Variants in DLGAP3 observed in about 807,000 individuals in gnomAD.
DLGAP3 encodes the protein disks large-associated protein 3.
In DLGAP3, 17 loss-of-function variants were observed where a neutral mutation model predicts 81.2. That is an observed-to-expected ratio of 0.21 (90% confidence interval 0.14 to 0.31). The LOEUF (loss-of-function observed/expected upper bound fraction) is 0.31, where lower values mean the gene tolerates loss of function less well. Ranked by LOEUF, DLGAP3 falls within the 10% of genes least tolerant of loss-of-function variation. DLGAP3 has a pLI of 1.00. For synonymous variants in DLGAP3, 577 were observed against 587.4 expected, an observed-to-expected ratio of 0.98 and a Z score of 0.26; for missense variants, 1,124 against 1,388.0, an observed-to-expected ratio of 0.81 and a Z score of 3.02.
chr1:34,876,160 G>T (rs531106104), intron 8 of DLGAP3, among the ~76,000 whole-genome samples: 5 of 152,288 alleles, frequency 3.3e-5, no homozygotes, highest in East Asian at 3.9e-4. Context: ...TGGCGGGGGG[G>T]TGGGGGTGTG....
intron 1 of DLGAP3, among the ~76,000 whole-genome samples, chr1:34,909,582 C>A (rs1639610117): frequency 6.6e-6 from 1 of 152,142 alleles, no homozygotes; most frequent in Non-Finnish European, 1.5e-5. Flanking sequence ...CCCCAGTGTC[C>A]AAATAGTAAA....
chr1:34,882,799 TC>T (rs2148400217), intron 8 of DLGAP3, among the ~76,000 whole-genome samples: 1 of 152,310 alleles, frequency 6.6e-6, no homozygotes, highest in South Asian at 2.1e-4. Context: ...CCTTATCATG[TC>T]CATGCTCTGC....
At chr1:34,905,573 G>A (rs1443419314) in intron 2 of DLGAP3, 139 bp from the exon 3 acceptor site, 1 of 651,084 alleles carries the variant, frequency 1.5e-6, no homozygotes, top group Non-Finnish European at 2.5e-6. Context: ...CCCACAAATG[G>A]ACTAAAAAGT....
At chr1:34,925,174 C>A (rs1639850231) in intron 1 of DLGAP3, among the ~76,000 whole-genome samples, 1 of 141,684 alleles carries the variant, frequency 7.1e-6, no homozygotes, top group Admixed American at 6.7e-5. Flanking sequence ...CCACCGGGGG[C>A]ACCTGACAAC....
chr1:34,910,642 C>T (rs966852835), intron 1 of DLGAP3, among the ~76,000 whole-genome samples: 6 of 152,194 alleles, frequency 3.9e-5, no homozygotes, highest in African/African-American at 1.4e-4. Flanking sequence ...TCCTACCCAC[C>T]TCTGCCTTGC....
intron 5 of DLGAP3, among the ~76,000 whole-genome samples, chr1:34,894,122 A>C (rs1382093909): frequency 2.6e-5 from 4 of 152,226 alleles, no homozygotes; most frequent in African/African-American, 9.6e-5. Context: ...TGGGAGGTCA[A>C]GGCTGCAGTG....
chr1:34,871,897 G>A (rs1033064529), intron 8 of DLGAP3, among the ~76,000 whole-genome samples: 1 of 152,172 alleles, frequency 6.6e-6, no homozygotes, highest in African/African-American at 2.4e-5. Flanking sequence ...CCTCAAAGGA[G>A]ACCAAGGAAG....
Position 34,902,896 on chromosome 1 carries a change from A to G in DLGAP3, c.1107+1381T>C, listed in dbSNP as rs1362226828. Among the ~76,000 whole-genome samples the G allele has an allele frequency of 6.6e-6, 1 of 152,028 alleles. No homozygotes were observed. The highest frequency in any genetic ancestry group is 6.5e-5 in the Admixed American group (1 of 15,272). On this transcript the variant is annotated intron_variant, in intron 3 of 11. Coordinates refer to ENST00000373347, the MANE Select transcript of DLGAP3 (RefSeq NM_001080418.3). The surrounding 1 kb of genome is among the most constrained non-coding windows in gnomAD (Gnocchi z 4.4). ...TGGCAAGGAATCGGCTATGGGGGAG[A>G]AAGGATGGGTGCTGCCTCCCTGCAC...
chr1:34,899,564 T>C (rs1042040819), intron 5 of DLGAP3, 105 bp downstream of exon 5: 1 of 1,041,386 alleles, frequency 9.6e-7, no homozygotes, highest in Admixed American at 1.7e-5. Flanking sequence ...GAGCCAGGCC[T>C]GAGCTCTCTC....
chr1:34,875,785 T>C (rs181190659), intron 8 of DLGAP3, among the ~76,000 whole-genome samples: 3 of 152,370 alleles, frequency 2.0e-5, no homozygotes, highest in Admixed American at 2.0e-4. Context: ...GTATGTTCTC[T>C]CTCACCACAA....
At chr1:34,881,959 A>G (rs1639152398) in intron 8 of DLGAP3, among the ~76,000 whole-genome samples, 1 of 152,246 alleles carries the variant, frequency 6.6e-6, no homozygotes. Flanking sequence ...CATAGCCACT[A>G]AAGTCAATAC....
chr1:34,879,014 G>A (rs1014599948), intron 8 of DLGAP3, among the ~76,000 whole-genome samples: 1 of 151,188 alleles, frequency 6.6e-6, no homozygotes, highest in South Asian at 2.1e-4. Flanking sequence ...GGAGCTTGCA[G>A]TGAGCCGAGA....
chr1:34,895,262 G>A lies in DLGAP3; in HGVS notation c.1386+4407C>T, dbSNP rs968392164. Among the ~76,000 whole-genome samples, 3 of 151,776 alleles carry A rather than the reference G, an allele frequency of 2.0e-5. No individual in the cohort carries two copies. Among genetic ancestry groups the A allele is most frequent in the Non-Finnish European group, 2.9e-5 (2 of 67,960 alleles). On this transcript the variant is annotated intron_variant, in intron 5 of 11. Transcript: ENST00000373347. The surrounding 1 kb of genome is among the most constrained non-coding windows in gnomAD (Gnocchi z 4.5). ...GGGCGCCTGTAGTCTCAGCTACTCC[G>A]GAGACTGAGGCAGAAGAATGGCGTG...
chr1:34,906,016 TTATA>T (rs150603784), intron 2 of DLGAP3, among the ~76,000 whole-genome samples: 8 of 64,808 alleles, frequency 1.2e-4, no homozygotes, highest in East Asian at 2.3e-3. Context: ...GCCTCTAAAT[TTATA>T]TATATATATA....
Position 34,906,016 on chromosome 1 carries a change from T to TTTTTTATATATATATATATATATA in DLGAP3, c.-51-583_-51-582insTATATATATATATATATATAAAAA, listed in dbSNP as rs60469155. 3.8e-3 allele frequency among the ~76,000 whole-genome samples: 246 copies of TTTTTTATATATATATATATATATA among 64,790 alleles called. 9 individuals are homozygous for TTTTTTATATATATATATATATATA. The highest frequency in any genetic ancestry group is 0.011 in the African/African-American group (232 of 21,606). 42.5% of individuals were successfully genotyped at this position (64,790 alleles called of 152,430 possible). ...ACAGAGCGAGACCTGGCCTCTAAAT[T>TTTTTTATATATATATATATATATA]TATATATATATATATATTTGTTTGT... is the stretch of plus-strand genomic sequence containing the variant. On this transcript the variant is annotated intron_variant, in intron 2 of 11. Coordinates refer to ENST00000373347, the MANE Select transcript of DLGAP3 (RefSeq NM_001080418.3).
rs762679901 is a variant in DLGAP3 at position 34,904,675 on chromosome 1, G to C, written c.709C>G (p.Arg237Gly). ...HHHHHHHHQS[R>G]HGKRSKSKDR... ...TTGCTCTTGCTCCTCTTGCCGTGCC[G>C]GGACTGGTGGTGGTGGTGATGGTGG... The change falls in exon 3 of 12, where the codon CGG (arginine) becomes GGG (glycine). Residue 237 changes from arginine to glycine, a missense_variant. Physicochemically the swap from Arg to Gly is moderately radical, Grantham distance 125. Around this residue, in one of 9 missense-constraint regions of DLGAP3, gnomAD observed 357 missense variants for 408.8 expected, o/e 0.87. Transcript: ENST00000373347. The surrounding 1 kb of genome is among the most constrained non-coding windows in gnomAD (Gnocchi z 8.1). 7 of 1,613,952 alleles carry C rather than the reference G, an allele frequency of 4.3e-6. No homozygotes were observed. Among genetic ancestry groups the C allele is most frequent in the Non-Finnish European group, 5.9e-6 (7 of 1,180,024 alleles).
chr1:34,870,221 T>A (rs1020418853), intron 8 of DLGAP3, among the ~76,000 whole-genome samples: 1 of 152,198 alleles, frequency 6.6e-6, no homozygotes, highest in African/African-American at 2.4e-5. Context: ...AATTCAGAGT[T>A]CTTTTCTATA....
At chr1:34,925,705 G>T (rs1261632803) in intron 1 of DLGAP3, among the ~76,000 whole-genome samples, 2 of 152,158 alleles carry the variant, frequency 1.3e-5, no homozygotes, top group African/African-American at 2.4e-5. Context: ...GACAGTGAGG[G>T]GGGCAGGGGC....
Position 34,889,851 on chromosome 1 carries a change from C to G in DLGAP3, c.1387-3566G>C, listed in dbSNP as rs141854034. Among the ~76,000 whole-genome samples, 19 of 152,296 alleles carry G rather than the reference C, an allele frequency of 1.2e-4. No homozygotes were observed. The East Asian group carries it at 3.7e-3, about 29-fold the overall frequency. ...AGAATATTAACTGTGTGAGCCAATG[C>G]TGCAAACAGCCCAGTGGAGGCGGGA... is the stretch of plus-strand genomic sequence containing the variant. On this transcript the variant is annotated intron_variant, in intron 5 of 11. Transcript: ENST00000373347.
Sources: gnomAD v4.1 joint callset for allele counts (sites outside exome capture counted in the v4.1 genomes callset) on GRCh38, gnomAD v4.1.1 for gene constraint, gnomAD v4.1.1 regional missense constraint, Gnocchi (gnomAD v3.1) non-coding constraint, MANE v1.5 for transcripts, NCBI Gene and HGNC (gene_info 2026-07-23, HGNC 2026-07-21) for gene names.